Variants in RALGAPA1 observed in about 807,000 individuals in gnomAD.
RALGAPA1 encodes the protein Ral GTPase activating protein catalytic subunit alpha 1.
In RALGAPA1, 52 loss-of-function variants were observed where a neutral mutation model predicts 269.6. The ratio of observed to expected loss-of-function variants is 0.19; its 90% CI spans 0.15 to 0.24. The LOEUF (loss-of-function observed/expected upper bound fraction) is 0.24, where lower values mean the gene tolerates loss of function less well. Among genes scored for constraint, RALGAPA1 ranks in the 10% least tolerant of loss-of-function variants. The probability of loss-of-function intolerance (pLI) is 1.00; values close to 1 mark genes in which losing one functional copy is unlikely to be tolerated. For missense variants in RALGAPA1, 1,917 were observed against 3,013.9 expected (o/e 0.64, Z 8.52); for synonymous variants, 817 against 1,008.3 (o/e 0.81, Z 3.60).
intron 19 of RALGAPA1, 35 bp downstream of exon 19, chr14:35,686,506 TC>T: frequency 6.4e-7 from 1 of 1,555,164 alleles, no homozygotes; most frequent in Non-Finnish European, 8.7e-7. Context: ...TTTTCTACCC[TC>T]CTCTATAAAA....
chr14:35,642,450 C>A (rs969140483), intron 31 of RALGAPA1, among the ~76,000 whole-genome samples: 2 of 151,894 alleles, frequency 1.3e-5, no homozygotes, highest in African/African-American at 4.8e-5. Flanking sequence ...AGACATTTCT[C>A]AAAAGAAGAC....
At chr14:35,572,529 A>G (rs1205782378) in intron 38 of RALGAPA1, 31 bp downstream of exon 38, 2 of 1,551,426 alleles carry the variant, frequency 1.3e-6, no homozygotes, top group East Asian at 2.3e-5. Context: ...ACCAAAATCT[A>G]TTACTAAAAT....
chr14:35,666,576 T>C (rs1321215444), intron 26 of RALGAPA1, among the ~76,000 whole-genome samples: 2 of 152,200 alleles, frequency 1.3e-5, no homozygotes, highest in Non-Finnish European at 2.9e-5. Context: ...TTTAACCTTA[T>C]TGTGGAGATA....
intron 41 of RALGAPA1, among the ~76,000 whole-genome samples, chr14:35,545,986 A>AT (rs1227221655): frequency 6.6e-6 from 1 of 152,138 alleles, no homozygotes; most frequent in Non-Finnish European, 1.5e-5. Context: ...AGATAAAGGG[A>AT]TTTTTTCCTG....
In RALGAPA1 at chr14:35,674,721, AAT is replaced by A; in HGVS notation, c.4625-14_4625-13del. ...AAATTCACTAATTTCTATAGAAAAA[AAT>A]ATATAGTGTCAGCCATTTTTCAGTG... On this transcript the variant is annotated splice_polypyrimidine_tract_variant and intron_variant, in intron 22 of 41. Coordinates refer to ENST00000680220, the MANE Select transcript of RALGAPA1 (RefSeq NM_001346249.2). 1 of 1,454,638 alleles carries A rather than the reference AAT, an allele frequency of 6.9e-7. No individual in the cohort carries two copies. The highest frequency in any genetic ancestry group is 9.5e-7 in the Non-Finnish European group (1 of 1,052,254). 90.1% of individuals were successfully genotyped at this position (1,454,638 alleles called of 1,614,324 possible). A position where few individuals can be genotyped will look rare whatever the true frequency, so the allele number is the denominator to read the frequency against.
At chr14:35,800,316 T>C (rs183557003) in intron 1 of RALGAPA1, among the ~76,000 whole-genome samples, 67 of 152,358 alleles carry the variant, frequency 4.4e-4, no homozygotes, top group African/African-American at 1.6e-3. Flanking sequence ...ACAAGAAATT[T>C]ATCAAGTTAA....
At chr14:35,564,213 C>T (rs2056513518) in intron 39 of RALGAPA1, among the ~76,000 whole-genome samples, 1 of 152,128 alleles carries the variant, frequency 6.6e-6, no homozygotes, top group African/African-American at 2.4e-5. Flanking sequence ...TACTATTATC[C>T]TCTTTTTACA....
chr14:35,564,130 C>A (rs947790339), intron 39 of RALGAPA1, among the ~76,000 whole-genome samples: 1 of 152,148 alleles, frequency 6.6e-6, no homozygotes, highest in Non-Finnish European at 1.5e-5. Context: ...TGAACTCTTG[C>A]TACATGACAG....
rs768628958 is a variant in RALGAPA1 at position 35,605,595 on chromosome 14, A to C, written c.7044T>G (p.Leu2348=). The change falls in exon 36 of 42, where the codon CTT becomes CTG. Residue 2348 remains leucine, a synonymous_variant. Transcript: ENST00000680220. ...SQAYEDFVAG[L]GWEVNLTNHC... is the part of the protein sequence containing the mutation. The stretch of plus-strand genomic sequence containing the variant: ...AATTTAAAAATAATACCTCCCAACC[A>C]AGACCAGCTACAAAATCTTCATATG... 1 of 1,600,914 alleles carries C rather than the reference A, an allele frequency of 6.2e-7. No individual in the cohort carries two copies. Among genetic ancestry groups the C allele is most frequent in the Non-Finnish European group, 8.5e-7 (1 of 1,176,200 alleles).
chr14:35,774,720 T>C (rs1365651110), intron 3 of RALGAPA1, among the ~76,000 whole-genome samples: 1 of 152,158 alleles, frequency 6.6e-6, no homozygotes, highest in African/African-American at 2.4e-5. Context: ...TCAGTAAACC[T>C]TCGACAAATT....
At chr14:35,694,802 C>T (rs1205910432) in intron 17 of RALGAPA1, among the ~76,000 whole-genome samples, 3 of 152,062 alleles carry the variant, frequency 2.0e-5, no homozygotes, top group Non-Finnish European at 2.9e-5. Flanking sequence ...GCAGGCCAGG[C>T]GCAATGGCTC....
chr14:35,559,668 C>T (rs1009839064), intron 39 of RALGAPA1, among the ~76,000 whole-genome samples: 1 of 152,102 alleles, frequency 6.6e-6, no homozygotes, highest in Non-Finnish European at 1.5e-5. Flanking sequence ...CATATGTGGA[C>T]CATACTGTTA....
intron 12 of RALGAPA1, among the ~76,000 whole-genome samples, chr14:35,735,107 C>A (rs968852217): frequency 6.6e-6 from 1 of 151,694 alleles, no homozygotes. Flanking sequence ...TTTTACATTG[C>A]TGGTGGGGAT....
At chr14:35,645,243 T>G (rs1368157122) in intron 31 of RALGAPA1, among the ~76,000 whole-genome samples, 1 of 152,002 alleles carries the variant, frequency 6.6e-6, no homozygotes, top group Non-Finnish European at 1.5e-5. Flanking sequence ...TAATTACCTC[T>G]CAAAGGCCCC....
intron 39 of RALGAPA1, among the ~76,000 whole-genome samples, chr14:35,551,227 C>T (rs1302039403): frequency 6.6e-6 from 1 of 152,056 alleles, no homozygotes; most frequent in African/African-American, 2.4e-5. Context: ...ATGCACTCAA[C>T]TTCTAAGCTC....
rs998036383 is a variant in RALGAPA1, at chr14:35,721,546, T to C, written c.2266+142A>G. ...CCTATCACTAGACTCTGAGTACTTCTGGAAAAAAGGCTTTGCTATAGCAGT... is the reference window on the plus strand; with the variant it reads ...CCTATCACTAGACTCTGAGTACTTCCGGAAAAAAGGCTTTGCTATAGCAGT... On this transcript the variant is annotated intron_variant, in intron 16 of 41. Coordinates refer to ENST00000680220, the MANE Select transcript of RALGAPA1 (RefSeq NM_001346249.2). The C allele has an allele frequency of 2.2e-5, 14 of 640,828 alleles. No homozygotes were observed. The East Asian group carries it at 2.8e-4, about 13-fold the overall frequency. 39.7% of individuals were successfully genotyped at this position (640,828 alleles called of 1,614,324 possible).
intron 23 of RALGAPA1, 116 bp from the exon 24 acceptor site, chr14:35,674,394 A>C (rs1336626503): frequency 4.1e-6 from 5 of 1,233,664 alleles, no homozygotes; most frequent in Non-Finnish European, 5.6e-6. Flanking sequence ...CAATTAAGTG[A>C]CTTTGCCATG....
intron 16 of RALGAPA1, among the ~76,000 whole-genome samples, chr14:35,713,759 T>TGCA (rs1351736540): frequency 6.6e-6 from 1 of 152,156 alleles, no homozygotes; most frequent in Non-Finnish European, 1.5e-5. Context: ...GGAAATAAAC[T>TGCA]GCACTTTAGA....
intron 39 of RALGAPA1, among the ~76,000 whole-genome samples, chr14:35,554,337 T>C (rs1016078131): frequency 7.1e-6 from 1 of 140,504 alleles, no homozygotes; most frequent in Non-Finnish European, 1.5e-5. Flanking sequence ...AAATACACTT[T>C]CTTTTTTTTT....
Sources: allele counts gnomAD v4.1 joint callset (sites outside exome capture counted in the v4.1 genomes callset), GRCh38; gene constraint gnomAD v4.1.1; transcripts MANE v1.5; gene names NCBI Gene and HGNC (gene_info 2026-07-23, HGNC 2026-07-21).